The following FSIP1 variants were observed in gnomAD, a reference collection of about 807,000 sequenced individuals.
FSIP1 encodes fibrous sheath interacting protein 1.
FSIP1 carries 65 observed loss-of-function variants against 60.9 expected under a neutral mutation model. That is an observed-to-expected ratio of 1.07 (90% confidence interval 0.87 to 1.31). The LOEUF is 1.31. FSIP1 is among the 40% of genes most tolerant of loss of function. The pLI, the probability that FSIP1 is intolerant of heterozygous loss-of-function variation, is 0.00. For missense variants in FSIP1, 675 were observed against 665.5 expected (o/e 1.01, Z -0.16); for synonymous variants, 209 against 221.2 (o/e 0.94, Z 0.49).
chr15:39,612,945 CCAT>C (rs1891088368), intron 11 of FSIP1, among the ~76,000 whole-genome samples: 1 of 151,740 alleles, frequency 6.6e-6, no homozygotes, highest in Admixed American at 6.6e-5. Flanking sequence ...TACATTGCAG[CCAT>C]CATAATGAAT....
chr15:39,715,360 A>G (rs961930389), intron 9 of FSIP1, among the ~76,000 whole-genome samples: 1 of 152,058 alleles, frequency 6.6e-6, no homozygotes, highest in African/African-American at 2.4e-5. Context: ...GCCACGCCAC[A>G]TGCTCCTTTA....
intron 3 of FSIP1, among the ~76,000 whole-genome samples, chr15:39,768,802 A>T (rs573934566): frequency 1.3e-5 from 2 of 152,358 alleles, no homozygotes; most frequent in East Asian, 3.8e-4. Flanking sequence ...CCTGTAATCA[A>T]ATCAGTGAGC....
rs1181626300 is a variant in FSIP1 at position 39,617,972 on chromosome 15, A to C, written c.1462T>G (p.Leu488Val). Residue 488 changes from leucine (L) to valine (V), a missense_variant, in exon 11 of 12, where the codon TTG becomes GTG. Coordinates refer to ENST00000350221, the MANE Select transcript of FSIP1 (RefSeq NM_152597.5). Reference protein sequence around the residue: ...ASKGYYLTKALTGHNMSEALV... With the variant: ...ASKGYYLTKAVTGHNMSEALV... ...GCTTCTGACATGTTATGTCCAGTCA[A>C]GGCTTTAGTGAGATAGTAGCCTTTA... 1 of 1,614,212 alleles carries C rather than the reference A, an allele frequency of 6.2e-7. No individual in the cohort carries two copies. Among genetic ancestry groups the C allele is most frequent in the Non-Finnish European group, 8.5e-7 (1 of 1,180,038 alleles).
intron 10 of FSIP1, among the ~76,000 whole-genome samples, chr15:39,665,664 T>C (rs944292740): frequency 6.6e-6 from 1 of 152,174 alleles, no homozygotes; most frequent in South Asian, 2.1e-4. Flanking sequence ...CCCACATCCA[T>C]AGATTTCAAG....
chr15:39,737,873 G>C (rs1037322859), intron 8 of FSIP1, among the ~76,000 whole-genome samples: 15 of 151,980 alleles, frequency 9.9e-5, no homozygotes, highest in African/African-American at 3.6e-4. Flanking sequence ...CCCTCTATGA[G>C]TCCATGTGTT....
intron 5 of FSIP1, among the ~76,000 whole-genome samples, chr15:39,756,247 A>G (rs1403964207): frequency 6.6e-6 from 1 of 152,068 alleles, no homozygotes; most frequent in African/African-American, 2.4e-5. Context: ...TATTTTCTTC[A>G]TTTATTTGCT....
At chr15:39,741,109 GA>G (rs1306499469) in intron 6 of FSIP1, among the ~76,000 whole-genome samples, 1 of 151,996 alleles carries the variant, frequency 6.6e-6, no homozygotes. Flanking sequence ...CTTTTTAGTT[GA>G]AATATGAGGT....
intron 10 of FSIP1, among the ~76,000 whole-genome samples, chr15:39,631,780 C>T (rs1000217117): frequency 2.0e-5 from 3 of 152,158 alleles, no homozygotes; most frequent in African/African-American, 7.2e-5. Context: ...TATTCAAGTA[C>T]ATATATATTA....
intron 10 of FSIP1, among the ~76,000 whole-genome samples, chr15:39,624,080 A>C (rs1891545123): frequency 6.6e-6 from 1 of 152,224 alleles, no homozygotes; most frequent in South Asian, 2.1e-4. Context: ...GTCAGGTTCA[A>C]GTGTCCACCA....
intron 10 of FSIP1, among the ~76,000 whole-genome samples, chr15:39,637,211 G>A (rs978101459): frequency 1.4e-4 from 22 of 152,102 alleles, no homozygotes; most frequent in South Asian, 6.2e-4. Context: ...TCTATTTCCC[G>A]GAACCATTCC....
chr15:39,608,238 T>A (rs1890897482), intron 11 of FSIP1, among the ~76,000 whole-genome samples: 1 of 152,256 alleles, frequency 6.6e-6, no homozygotes, highest in African/African-American at 2.4e-5. Context: ...TTAATTGTTA[T>A]AATTGCATAT....
chr15:39,693,160 G>A (rs747577619), intron 10 of FSIP1, among the ~76,000 whole-genome samples: 1 of 152,108 alleles, frequency 6.6e-6, no homozygotes, highest in Non-Finnish European at 1.5e-5. Context: ...TTACTAGTCG[G>A]GAATTTTTAA....
intron 10 of FSIP1, among the ~76,000 whole-genome samples, chr15:39,665,423 C>T (rs957791062): frequency 1.3e-5 from 2 of 152,060 alleles, no homozygotes; most frequent in African/African-American, 4.8e-5. Flanking sequence ...AGATAAAATA[C>T]CTATTTAATA....
rs373400015 is a variant in FSIP1, at chr15:39,770,609, A to G, written c.128T>C (p.Val43Ala). The change falls in exon 3 of 12, where the codon GTC (valine) becomes GCC (alanine). Residue 43 changes from valine (V) to alanine (A), a missense_variant and splice_region_variant. Val to Ala is a moderately conservative substitution (Grantham distance 64). Transcript: ENST00000350221. ...VLSTEPGSFKVDTASNLNSGK... is the reference protein window; with the variant it reads ...VLSTEPGSFKADTASNLNSGK... ...AGAGTTCAAGTTGCTTGCAGTATCG[A>G]CCTAAAAATAATTTCAAAAAAAAAA... is the stretch of plus-strand genomic sequence containing the variant. 2 of 1,478,560 alleles carry G rather than the reference A, an allele frequency of 1.4e-6. No homozygotes were observed. Among genetic ancestry groups the G allele is most frequent in the Admixed American group, 2.6e-5 (1 of 38,722 alleles). The allele number at this position is 1,478,560 out of a possible 1,614,324, so 91.6% of individuals were successfully genotyped here. A position where few individuals can be genotyped will look rare whatever the true frequency, so the allele number is the denominator to read the frequency against.
intron 11 of FSIP1, among the ~76,000 whole-genome samples, chr15:39,603,144 A>G (rs1011594167): frequency 1.3e-5 from 2 of 151,998 alleles, no homozygotes; most frequent in Non-Finnish European, 2.9e-5. Flanking sequence ...GAGGTGAAAA[A>G]CTCTTGGAAC....
intron 10 of FSIP1, among the ~76,000 whole-genome samples, chr15:39,665,450 T>G (rs1298294207): frequency 6.6e-6 from 1 of 152,216 alleles, no homozygotes; most frequent in East Asian, 1.9e-4. Context: ...AAAATATTAC[T>G]TTTCTTTACT....
intron 10 of FSIP1, among the ~76,000 whole-genome samples, chr15:39,625,680 C>G (rs1891610399): frequency 6.6e-6 from 1 of 152,172 alleles, no homozygotes; most frequent in African/African-American, 2.4e-5. Context: ...CGAAACAAGT[C>G]TGGGGCCCAG....
At chr15:39,677,821 C>A (rs1894001325) in intron 10 of FSIP1, among the ~76,000 whole-genome samples, 1 of 152,082 alleles carries the variant, frequency 6.6e-6, no homozygotes, top group Admixed American at 6.6e-5. Context: ...CATGGTGAAA[C>A]CCCGTCGCTA....
intron 10 of FSIP1, among the ~76,000 whole-genome samples, chr15:39,686,166 G>A (rs567234626): frequency 1.3e-5 from 2 of 152,218 alleles, no homozygotes; most frequent in East Asian, 1.9e-4. Flanking sequence ...AACCCACCAC[G>A]GGTACCCAAT....
Sources: gnomAD v4.1 joint callset for allele counts (sites outside exome capture counted in the v4.1 genomes callset) on GRCh38, gnomAD v4.1.1 for gene constraint, MANE v1.5 for transcripts, NCBI Gene and HGNC (gene_info 2026-07-23, HGNC 2026-07-21) for gene names.